ENTREP1: variants seen among roughly 807,000 people sequenced by gnomAD.
ENTREP1 encodes endosomal transmembrane epsin interactor 1.
the ENTREP1 span, among the ~76,000 whole-genome samples, chr9:69,353,420 A>G: frequency 3.9e-5 from 6 of 152,238 alleles, no homozygotes; most frequent in Non-Finnish European, 8.8e-5. Context: ...CTGTCTCTAC[A>G]TAAATAGATA....
the ENTREP1 span, among the ~76,000 whole-genome samples, chr9:69,327,840 A>G: frequency 2.6e-5 from 4 of 152,220 alleles, no homozygotes; most frequent in Admixed American, 2.6e-4. Context: ...ACTGTTGGCT[A>G]TTCCTACTTT....
At chr9:69,326,227 T>C in the ENTREP1 span, among the ~76,000 whole-genome samples, 1 of 152,072 alleles carries the variant, frequency 6.6e-6, no homozygotes, top group South Asian at 2.1e-4. Flanking sequence ...AAGACACACG[T>C]AAATGTGAAA....
At chr9:69,325,100 C>T in the ENTREP1 span, 5 of 985,258 alleles carry the variant, frequency 5.1e-6, no homozygotes, top group African/African-American at 8.7e-5. Flanking sequence ...GAGGCGGACC[C>T]GCCAGGCGGC....
chr9:69,324,621 C>T, the ENTREP1 span: 1 of 985,424 alleles, frequency 1.0e-6, no homozygotes, highest in Non-Finnish European at 1.2e-6. Context: ...CACTCCCGCG[C>T]CGATGCGAGG....
the ENTREP1 span, among the ~76,000 whole-genome samples, chr9:69,369,827 ATTC>A: frequency 6.6e-6 from 1 of 152,096 alleles, no homozygotes; most frequent in Non-Finnish European, 1.5e-5. Context: ...CTTATTGGCT[ATTC>A]TTATATTTTT....
At chr9:69,379,575 A>T in the ENTREP1 span, 1 of 152,234 alleles carries the variant, frequency 6.6e-6, no homozygotes, top group Non-Finnish European at 1.5e-5. Context: ...AGCAAAACAC[A>T]TGTTCTTTCT....
At chr9:69,350,314 A>G in the ENTREP1 span, among the ~76,000 whole-genome samples, 1 of 124,286 alleles carries the variant, frequency 8.0e-6, no homozygotes, top group South Asian at 3.2e-4. Context: ...TTGCCCCAGC[A>G]CCATTTGTTA....
chr9:69,390,806 A>G, the ENTREP1 span, among the ~76,000 whole-genome samples: 13 of 151,844 alleles, frequency 8.6e-5, no homozygotes, highest in African/African-American at 3.1e-4. Context: ...CGCCCAGCCA[A>G]GTTTTCTTAT....
At chr9:69,335,442 C>T in the ENTREP1 span, among the ~76,000 whole-genome samples, 2 of 152,094 alleles carry the variant, frequency 1.3e-5, no homozygotes, top group Non-Finnish European at 2.9e-5. Context: ...TGGGAGGACA[C>T]AGCACTTCAG....
chr9:69,342,887 T>G, the ENTREP1 span, among the ~76,000 whole-genome samples: 8 of 152,374 alleles, frequency 5.3e-5, 1 homozygote, highest in East Asian at 1.5e-3. Flanking sequence ...TTCTTCCCTC[T>G]GATCACCTTA....
At chr9:69,349,797 A>C in the ENTREP1 span, among the ~76,000 whole-genome samples, 1,118 of 152,364 alleles carry the variant, frequency 7.3e-3, 10 homozygotes, top group South Asian at 0.022. Context: ...ACAATTGGGC[A>C]AAGTCATCTA....
At chr9:69,328,132 T>C in the ENTREP1 span, among the ~76,000 whole-genome samples, 2 of 152,238 alleles carry the variant, frequency 1.3e-5, no homozygotes, top group African/African-American at 4.8e-5. Context: ...AATGGTTTCA[T>C]CTGCACCCCC....
At chr9:69,345,439 C>T in the ENTREP1 span, among the ~76,000 whole-genome samples, 1 of 152,126 alleles carries the variant, frequency 6.6e-6, no homozygotes, top group African/African-American at 2.4e-5. Flanking sequence ...GACTGTTTCT[C>T]TTTTATTTCA....
At chr9:69,383,209 T>C in the ENTREP1 span, 1 of 791,512 alleles carries the variant, frequency 1.3e-6, no homozygotes, top group Non-Finnish European at 1.5e-6. Flanking sequence ...AGTATATGAT[T>C]CAGTAGCATT....
chr9:69,377,782 G>A, the ENTREP1 span: 4 of 1,579,332 alleles, frequency 2.5e-6, no homozygotes, highest in Non-Finnish European at 2.6e-6. Context: ...TGAGTGGGAT[G>A]CTGTGGGTTC....
the ENTREP1 span, chr9:69,325,623 T>C: frequency 8.1e-7 from 1 of 1,230,764 alleles, no homozygotes; most frequent in Non-Finnish European, 1.0e-6. Flanking sequence ...CTGCTTCAGC[T>C]GATCTTGGGC....
chr9:69,348,635 AAT>A, the ENTREP1 span, among the ~76,000 whole-genome samples: 1 of 152,160 alleles, frequency 6.6e-6, no homozygotes, highest in East Asian at 1.9e-4. Context: ...GGAAACCACT[AAT>A]GTACTTTTTG....
At chr9:69,342,551 G>T in the ENTREP1 span, among the ~76,000 whole-genome samples, 3 of 152,200 alleles carry the variant, frequency 2.0e-5, no homozygotes. Context: ...AAGAGCCAGA[G>T]GCAGAAATGA....
chr9:69,329,095 A>G, the ENTREP1 span, among the ~76,000 whole-genome samples: 3 of 152,154 alleles, frequency 2.0e-5, no homozygotes, highest in Non-Finnish European at 4.4e-5. Context: ...TTATTCACTC[A>G]CAAGTTTTAT....
Sources: allele counts gnomAD v4.1 joint callset (sites outside exome capture counted in the v4.1 genomes callset), GRCh38; gene constraint gnomAD v4.1.1; transcripts MANE v1.5; gene names NCBI Gene and HGNC (gene_info 2026-07-23, HGNC 2026-07-21).